ITPK1: variants seen among roughly 807,000 people sequenced by gnomAD.
ITPK1 encodes the protein inositol 1,3,4-trisphosphate 5/6-kinase.
A neutral mutation model predicts 45.3 loss-of-function variants in ITPK1; 21 were observed. The ratio of observed to expected loss-of-function variants is 0.46; its 90% CI spans 0.33 to 0.67. The LOEUF is 0.67. Among genes scored for constraint, ITPK1 ranks in the 30% least tolerant of loss-of-function variants. ITPK1 has a pLI of 0.02. For synonymous variants in ITPK1, 258 were observed against 253.6 expected (o/e 1.02, Z -0.16); for missense variants, 474 against 573.5 (o/e 0.83, Z 1.77).
At chr14:92,968,397 C>G (rs1885484826) in intron 5 of ITPK1, among the ~76,000 whole-genome samples, 1 of 151,992 alleles carries the variant, frequency 6.6e-6, no homozygotes, top group Non-Finnish European at 1.5e-5. Flanking sequence ...GAAAAAAAAC[C>G]TAGTAGCAGT....
chr14:93,030,660 G>A (rs1888994780), intron 3 of ITPK1, among the ~76,000 whole-genome samples: 3 of 152,176 alleles, frequency 2.0e-5, no homozygotes, highest in South Asian at 4.1e-4. Flanking sequence ...GAAGTGCAGA[G>A]GGCATGATAG....
At chr14:92,969,211 C>T (rs773732101) in intron 5 of ITPK1, among the ~76,000 whole-genome samples, 4 of 152,122 alleles carry the variant, frequency 2.6e-5, no homozygotes, top group Non-Finnish European at 5.9e-5. Flanking sequence ...ACAGAGGCAT[C>T]CCTGTCCTCG....
chr14:93,112,582 GGCGCCT>G (rs1333876222), intron 2 of ITPK1, among the ~76,000 whole-genome samples: 1 of 152,092 alleles, frequency 6.6e-6, no homozygotes, highest in Non-Finnish European at 1.5e-5. Context: ...TGGGACTACA[GGCGCCT>G]GCCATCATGC....
At chr14:93,042,520 G>A (rs79163130) in intron 3 of ITPK1, among the ~76,000 whole-genome samples, 4,164 of 152,220 alleles carry the variant, frequency 0.027, 98 homozygotes, top group Admixed American at 0.085. Context: ...CCCTAACAGC[G>A]ACAGGGCTGG....
At chr14:93,015,001 G>A (rs1412295462) in intron 4 of ITPK1, among the ~76,000 whole-genome samples, 1 of 152,206 alleles carries the variant, frequency 6.6e-6, no homozygotes, top group Non-Finnish European at 1.5e-5. Context: ...AAGCCCCAAG[G>A]GCACCACAGG....
intron 3 of ITPK1, among the ~76,000 whole-genome samples, chr14:93,057,756 G>A (rs1298622002): frequency 9.9e-5 from 15 of 152,206 alleles, no homozygotes; most frequent in Admixed American, 7.2e-4. Flanking sequence ...ACAGGCAGCC[G>A]TGGCTTCATG....
At chr14:92,950,379 C>G (rs962176293) in intron 9 of ITPK1, among the ~76,000 whole-genome samples, 1 of 152,228 alleles carries the variant, frequency 6.6e-6, no homozygotes, top group African/African-American at 2.4e-5. Flanking sequence ...GGCCAGCCTG[C>G]GGGCGTCCAG....
At chr14:93,111,797 G>T (rs1892766600) in intron 2 of ITPK1, among the ~76,000 whole-genome samples, 1 of 151,946 alleles carries the variant, frequency 6.6e-6, no homozygotes, top group Admixed American at 6.6e-5. Context: ...GGTGGGAGGG[G>T]TACAAGAGAA....
intron 2 of ITPK1, among the ~76,000 whole-genome samples, chr14:93,104,615 C>G (rs1892450802): frequency 6.6e-6 from 1 of 152,178 alleles, no homozygotes; most frequent in Admixed American, 6.5e-5. Context: ...GTGCTGCTCA[C>G]AGCACCTGGC....
intron 5 of ITPK1, among the ~76,000 whole-genome samples, chr14:92,981,422 AC>A (rs973415007): frequency 3.9e-5 from 6 of 151,918 alleles, no homozygotes; most frequent in African/African-American, 1.4e-4. Flanking sequence ...AATGGCTCCC[AC>A]CTTCCTCTAA....
chr14:93,064,644 G>A (rs1890673127), intron 3 of ITPK1, among the ~76,000 whole-genome samples: 1 of 152,176 alleles, frequency 6.6e-6, no homozygotes, highest in Admixed American at 6.5e-5. Context: ...TCTCCTTATA[G>A]GGTATACTCT....
rs146447140 is a variant in ITPK1, at chr14:93,089,480, C to T, written c.96-12861G>A. 6.6e-5 allele frequency among the ~76,000 whole-genome samples: 10 copies of T among 152,234 alleles called. No individual in the cohort carries two copies. In the South Asian group the frequency reaches 1.2e-3, roughly 19 times the overall value. On this transcript the variant is annotated intron_variant, in intron 2 of 10. Transcript: ENST00000267615. ...GGCAGTCAAGAGGTGATGAGCACCCCGTGACAAGAAGGATTCAAGCAGATG... is the reference window on the plus strand; with the variant it reads ...GGCAGTCAAGAGGTGATGAGCACCCTGTGACAAGAAGGATTCAAGCAGATG...
At chr14:93,065,734 C>A (rs141255139) in intron 3 of ITPK1, among the ~76,000 whole-genome samples, 39 of 152,266 alleles carry the variant, frequency 2.6e-4, no homozygotes, top group Non-Finnish European at 5.0e-4. Flanking sequence ...AGATTTAGGT[C>A]CAGAGACACC....
intron 3 of ITPK1, among the ~76,000 whole-genome samples, chr14:93,054,827 C>A (rs1890155712): frequency 6.6e-6 from 1 of 152,166 alleles, no homozygotes; most frequent in Non-Finnish European, 1.5e-5. Flanking sequence ...CTGTTTCTTT[C>A]TTTTATAAGC....
intron 4 of ITPK1, among the ~76,000 whole-genome samples, chr14:93,011,206 C>T (rs1388969570): frequency 6.6e-6 from 1 of 152,226 alleles, no homozygotes; most frequent in African/African-American, 2.4e-5. Context: ...CATCCCTCTG[C>T]CATGACGGCT....
At chr14:92,984,946 GA>G (rs1307231342) in intron 5 of ITPK1, among the ~76,000 whole-genome samples, 1 of 152,238 alleles carries the variant, frequency 6.6e-6, no homozygotes, top group Non-Finnish European at 1.5e-5. Context: ...AACTACAAAG[GA>G]AAAAATAGAA....
chr14:93,019,778 G>A (rs1388400148), intron 3 of ITPK1, among the ~76,000 whole-genome samples: 1 of 152,194 alleles, frequency 6.6e-6, no homozygotes, highest in Admixed American at 6.5e-5. Context: ...AGACTGGGGA[G>A]GCCACGGAGA....
chr14:93,051,245 G>T (rs1294937255), intron 3 of ITPK1, among the ~76,000 whole-genome samples: 5 of 152,168 alleles, frequency 3.3e-5, no homozygotes, highest in Non-Finnish European at 7.3e-5. Context: ...CAGACACCAT[G>T]GTTTTCAAAC....
At chr14:93,090,769 T>C (rs976222328) in intron 2 of ITPK1, among the ~76,000 whole-genome samples, 3 of 152,204 alleles carry the variant, frequency 2.0e-5, no homozygotes, top group Non-Finnish European at 4.4e-5. Context: ...AAATGTATTT[T>C]TTTTTTCTTT....
Sources: gnomAD v4.1 joint callset for allele counts (sites outside exome capture counted in the v4.1 genomes callset) on GRCh38, gnomAD v4.1.1 for gene constraint, MANE v1.5 for transcripts, NCBI Gene and HGNC (gene_info 2026-07-23, HGNC 2026-07-21) for gene names.